PHF20L1: variants seen among roughly 807,000 people sequenced by gnomAD.
The protein encoded by PHF20L1 is PHD finger protein 20-like protein 1.
Under a neutral mutation model 125.5 loss-of-function variants are expected in PHF20L1, and 44 were observed. The ratio of observed to expected loss-of-function variants is 0.35; its 90% CI spans 0.28 to 0.45. The LOEUF (loss-of-function observed/expected upper bound fraction) is 0.45. Ranked by LOEUF, PHF20L1 falls within the 20% of genes least tolerant of loss-of-function variation. PHF20L1 has a pLI of 1.00. For missense variants in PHF20L1, 1,012 were observed against 1,217.2 expected, an observed-to-expected ratio of 0.83 and a Z score of 2.51; for synonymous variants, 380 against 403.1, an observed-to-expected ratio of 0.94 and a Z score of 0.69.
At chr8:132,775,880 T>C (rs1829665265) in intron 1 of PHF20L1, among the ~76,000 whole-genome samples, 1 of 152,174 alleles carries the variant, frequency 6.6e-6, no homozygotes, top group African/African-American at 2.4e-5. Context: ...CTGCCAGCCC[T>C]GTCAGCCTTT....
intron 6 of PHF20L1, among the ~76,000 whole-genome samples, chr8:132,802,528 TGTGAATTCCTTATG>T: frequency 6.6e-6 from 1 of 151,914 alleles, no homozygotes. Context: ...TGTATTTACC[TGTGAATTCCTTATG>T]GACGGGACCA....
At chr8:132,823,501 G>C (rs1184305828) in intron 12 of PHF20L1, among the ~76,000 whole-genome samples, 1 of 151,958 alleles carries the variant, frequency 6.6e-6, no homozygotes, top group Non-Finnish European at 1.5e-5. Flanking sequence ...GCCTAGTACA[G>C]TTAACTTTTT....
At chr8:132,825,191 G>C in intron 13 of PHF20L1, 73 bp from the exon 14 acceptor site, 1 of 1,573,564 alleles carries the variant, frequency 6.4e-7, no homozygotes, top group Non-Finnish European at 8.7e-7. Context: ...CATAAATGCT[G>C]CTTTTAGGTT....
chr8:132,792,964 CTTTTTTT>C (rs370724463), intron 2 of PHF20L1, among the ~76,000 whole-genome samples: 3 of 129,644 alleles, frequency 2.3e-5, no homozygotes, highest in African/African-American at 5.8e-5. Context: ...CCCCTTTTTT[CTTTTTTT>C]TTTTTTTTTT....
chr8:132,778,848 G>A (rs1419794720), intron 2 of PHF20L1, among the ~76,000 whole-genome samples: 5 of 152,158 alleles, frequency 3.3e-5, no homozygotes, highest in African/African-American at 4.8e-5. Flanking sequence ...CCTGAAGCCC[G>A]TTTATTTTGA....
At chr8:132,837,652 T>C (rs1837514019) in intron 16 of PHF20L1, 60 bp from the exon 17 acceptor site, 2 of 1,330,868 alleles carry the variant, frequency 1.5e-6, no homozygotes, top group Non-Finnish European at 1.1e-6. Context: ...CATGTATCCT[T>C]ATTCCTAGCT....
intron 6 of PHF20L1, among the ~76,000 whole-genome samples, chr8:132,802,455 T>G (rs764619095): frequency 4.0e-5 from 6 of 151,762 alleles, no homozygotes; most frequent in Non-Finnish European, 5.9e-5. Flanking sequence ...AATCTTTTCT[T>G]TTCTGTTCTA....
chr8:132,826,131 A>G (rs183349414), intron 14 of PHF20L1: 14 of 152,244 alleles, frequency 9.2e-5, no homozygotes, highest in African/African-American at 3.1e-4. Context: ...TCCAAAATCC[A>G]TAAATAAATG....
intron 4 of PHF20L1, among the ~76,000 whole-genome samples, chr8:132,795,571 T>C (rs1009488603): frequency 6.6e-6 from 1 of 152,134 alleles, no homozygotes; most frequent in Non-Finnish European, 1.5e-5. Flanking sequence ...ATTTCTCATT[T>C]AAAAAAGTTT....
In PHF20L1 at chr8:132,845,772, C is replaced by G. The variant is rs142049529; in HGVS notation, c.2912-9C>G. ...AGTTTAAATTTGTTTATCTTCTTCT[C>G]TCTTTTAGTTCTGGAAAGCTGGCTT... is the stretch of plus-strand genomic sequence containing the variant. On this transcript the variant is annotated splice_polypyrimidine_tract_variant and intron_variant, in intron 20 of 20. Transcript: ENST00000395386. The G allele has an allele frequency of 1.9e-6, 3 of 1,590,606 alleles. No homozygotes were observed. The highest frequency in any genetic ancestry group is 3.4e-5 in the Admixed American group (2 of 59,558).
chr8:132,796,023 T>G (rs1239988360), intron 4 of PHF20L1, among the ~76,000 whole-genome samples: 10 of 152,110 alleles, frequency 6.6e-5, no homozygotes. Flanking sequence ...ATTTCTGTAT[T>G]CATTGTTATT....
At chr8:132,816,550 CTA>C (rs1835006995) in intron 10 of PHF20L1, 1 of 201,638 alleles carries the variant, frequency 5.0e-6, no homozygotes, top group Non-Finnish European at 1.0e-5. Context: ...TGTAAAGAGA[CTA>C]TTTTCCCGAA....
chr8:132,777,840 G>A lies in PHF20L1; in HGVS notation c.12G>A (p.Lys4=). Residue 4 remains lysine (K), a synonymous_variant, in exon 2 of 21, where the codon AAG becomes AAA. Coordinates refer to ENST00000395386, the MANE Select transcript of PHF20L1 (RefSeq NM_016018.5). The part of the protein sequence containing the change: MSK[K]PPNRPGITFE... ...AATAGGATCTCAAGATGAGTAAAAA[G>A]CCCCCAAATCGCCCTGGAATCACTT... 6.2e-7 allele frequency: 1 copy of A among 1,611,934 alleles called. No individual in the cohort carries two copies. The highest frequency in any genetic ancestry group is 1.3e-5 in the African/African-American group (1 of 75,006).
chr8:132,843,912 T>C (rs1838191031), intron 19 of PHF20L1: 1 of 985,184 alleles, frequency 1.0e-6, no homozygotes, highest in Admixed American at 6.2e-5. Flanking sequence ...GCGCATTTTA[T>C]TGAAGCCTTC....
At chr8:132,826,853 TC>T (rs1441984866) in intron 14 of PHF20L1, 1 of 152,034 alleles carries the variant, frequency 6.6e-6, no homozygotes, top group Non-Finnish European at 1.5e-5. Flanking sequence ...CCCATTTTTT[TC>T]ATATTTATTA....
chr8:132,839,512 C>T lies in PHF20L1; in HGVS notation c.2317C>T (p.His773Tyr). ...TGCCAAAAAGATAGTTTCTACACAT[C>T]ACCTGCTTGCTGATGTCTATGGTGT... is the stretch of plus-strand genomic sequence containing the variant. ...LNAKKIVSTHHLLADVYGVTE... is the reference protein window; with the variant it reads ...LNAKKIVSTHYLLADVYGVTE... The change falls in exon 18 of 21, where the codon CAC becomes TAC. Residue 773 changes from histidine to tyrosine, a missense_variant. Around this residue, in one of 7 missense-constraint regions of PHF20L1, gnomAD observed 55 missense variants for 114.8 expected, o/e 0.48. Transcript: ENST00000395386. 6.2e-7 allele frequency: 1 copy of T among 1,613,342 alleles called. No homozygotes were observed. The highest frequency in any genetic ancestry group is 8.5e-7 in the Non-Finnish European group (1 of 1,179,468).
intron 4 of PHF20L1, among the ~76,000 whole-genome samples, chr8:132,796,227 T>G (rs1042851225): frequency 1.3e-5 from 2 of 152,082 alleles, no homozygotes; most frequent in Non-Finnish European, 2.9e-5. Context: ...TTTAAGGAAC[T>G]GCAGGTTGCT....
At chr8:132,782,242 G>T (rs182181050) in intron 2 of PHF20L1, among the ~76,000 whole-genome samples, 2 of 152,052 alleles carry the variant, frequency 1.3e-5, no homozygotes, top group East Asian at 3.9e-4. Context: ...AAGCGGGTGG[G>T]TTTAAATTCA....
intron 14 of PHF20L1, among the ~76,000 whole-genome samples, chr8:132,829,100 AGTG>A (rs1360374917): frequency 6.6e-6 from 1 of 152,040 alleles, no homozygotes; most frequent in Non-Finnish European, 1.5e-5. Flanking sequence ...AGGGAATTGA[AGTG>A]GGGAATACAG....
Sources: gnomAD v4.1 joint callset for allele counts (sites outside exome capture counted in the v4.1 genomes callset) on GRCh38, gnomAD v4.1.1 for gene constraint, gnomAD v4.1.1 regional missense constraint, MANE v1.5 for transcripts, NCBI Gene and HGNC (gene_info 2026-07-23, HGNC 2026-07-21) for gene names.